LCP1: variants seen among roughly 807,000 people sequenced by gnomAD.
The protein encoded by LCP1 is plastin-2.
In LCP1, 23 loss-of-function variants were observed where a neutral mutation model predicts 72.0. The observed-to-expected ratio is 0.32, with a 90% CI of 0.23 to 0.45. LCP1 has a LOEUF of 0.45. Among genes scored for constraint, LCP1 ranks in the 20% least tolerant of loss-of-function variants. The pLI is 1.00. For synonymous variants in LCP1, 245 were observed against 275.4 expected, an observed-to-expected ratio of 0.89 and a Z score of 1.09; for missense variants, 571 against 748.3, an observed-to-expected ratio of 0.76 and a Z score of 2.76.
Position 46,159,784 on chromosome 13 carries a change from T to C in LCP1, c.-24-98A>G, listed in dbSNP as rs2045826673. On this transcript the variant is annotated intron_variant, in intron 1 of 15. Transcript: ENST00000323076. ...TCCCATTTATTACATGAAGAAATATTCTTCTGCATCCCCCATGATTTAGAA... is the reference window on the plus strand; with the variant it reads ...TCCCATTTATTACATGAAGAAATATCCTTCTGCATCCCCCATGATTTAGAA... 7 of 704,020 alleles carry C rather than the reference T, an allele frequency of 9.9e-6. No homozygotes were observed. The Admixed American group carries it at 1.8e-4, about 18-fold the overall frequency. The allele number at this position is 704,020 out of a possible 1,614,324, so 43.6% of individuals were successfully genotyped here.
intron 1 of LCP1, among the ~76,000 whole-genome samples, chr13:46,163,633 T>TAAAAA (rs575609187): frequency 9.2e-6 from 1 of 109,230 alleles, no homozygotes; most frequent in African/African-American, 3.2e-5. Flanking sequence ...AATGATCAAT[T>TAAAAA]AAAAAAAAAA....
At position 46,134,105 on chromosome 13, in the gene LCP1, A is replaced by G. The variant is rs756565294; in HGVS notation, c.1626+22T>C. 13 of 1,612,614 alleles carry G rather than the reference A, an allele frequency of 8.1e-6. No individual in the cohort carries two copies. The South Asian group carries it at 1.4e-4, about 18-fold the overall frequency. On this transcript the variant is annotated intron_variant, in intron 14 of 15. Coordinates refer to ENST00000323076, the MANE Select transcript of LCP1 (RefSeq NM_002298.5). ...TAGGCATAGAGCTCAGATGGCCTCT[A>G]GCAGAAGACAAAGAATTTTACCTTG...
intron 14 of LCP1, 107 bp from the exon 15 acceptor site, chr13:46,131,045 C>G (rs2138215313): frequency 8.7e-7 from 1 of 1,150,104 alleles, no homozygotes; most frequent in South Asian, 1.9e-5. Flanking sequence ...ATATATACAG[C>G]CTGGTCTGGG....
chr13:46,180,258 G>A (rs1486231168), intron 1 of LCP1, among the ~76,000 whole-genome samples: 1 of 152,088 alleles, frequency 6.6e-6, no homozygotes, highest in Non-Finnish European at 1.5e-5. Flanking sequence ...AGGATTAAAC[G>A]AGGTAATGCA....
chr13:46,156,969 C>T lies in LCP1; in HGVS notation c.359-399G>A, dbSNP rs1030912269. 4.6e-5 allele frequency among the ~76,000 whole-genome samples: 7 copies of T among 151,710 alleles called. No homozygotes were observed. The East Asian group carries it at 7.8e-4, about 17-fold the overall frequency. ...CCCCGTAGCTGGGACTACAGGCGCCCGCCACAACACCCAGCTAATTTTTTG... is the reference window on the plus strand; with the variant it reads ...CCCCGTAGCTGGGACTACAGGCGCCTGCCACAACACCCAGCTAATTTTTTG... On this transcript the variant is annotated intron_variant, in intron 4 of 15. Coordinates refer to ENST00000323076, the MANE Select transcript of LCP1 (RefSeq NM_002298.5).
intron 4 of LCP1, 36 bp downstream of exon 4, chr13:46,158,486 C>A (rs759244960): frequency 1.1e-5 from 18 of 1,606,108 alleles, no homozygotes; most frequent in Non-Finnish European, 1.4e-5. Context: ...AATCTGTAAT[C>A]CTGAAATCCT....
At chr13:46,166,453 T>C (rs1309021517) in intron 1 of LCP1, among the ~76,000 whole-genome samples, 1 of 151,934 alleles carries the variant, frequency 6.6e-6, no homozygotes. Context: ...AGGGACTCTT[T>C]TGAATGTGCC....
In LCP1 at chr13:46,134,564, C is replaced by T. The variant is rs184226364; in HGVS notation, c.1503-314G>A. On this transcript the variant is annotated intron_variant, in intron 13 of 15. Coordinates refer to ENST00000323076, the MANE Select transcript of LCP1 (RefSeq NM_002298.5). ...GGAAAATGAAGGAAAAGATTCCAAC[C>T]TGTGGCAATTTAAAAAAGATAAAAA... Among the ~76,000 whole-genome samples, 54 of 152,160 alleles carry T rather than the reference C, an allele frequency of 3.5e-4. No homozygotes were observed. The East Asian group carries it at 8.9e-3, about 25-fold the overall frequency.
chr13:46,159,559 A>T (rs1419490933), intron 2 of LCP1, 40 bp downstream of exon 2: 3 of 1,529,500 alleles, frequency 2.0e-6, no homozygotes, highest in Non-Finnish European at 2.7e-6. Flanking sequence ...TACTCAGTGA[A>T]GAAGAGAATG....
intron 1 of LCP1, among the ~76,000 whole-genome samples, chr13:46,163,423 G>A (rs1054400534): frequency 3.3e-5 from 5 of 152,108 alleles, no homozygotes; most frequent in Non-Finnish European, 5.9e-5. Flanking sequence ...TTGTTAAACA[G>A]ATGCTTGAAG....
intron 14 of LCP1, among the ~76,000 whole-genome samples, chr13:46,131,187 G>T (rs2045632126): frequency 6.6e-6 from 1 of 152,198 alleles, no homozygotes; most frequent in Non-Finnish European, 1.5e-5. Flanking sequence ...AAGGAAGTTA[G>T]CACAACTAGA....
intron 1 of LCP1, among the ~76,000 whole-genome samples, chr13:46,166,960 A>G (rs1251896611): frequency 6.6e-6 from 1 of 152,250 alleles, no homozygotes; most frequent in Non-Finnish European, 1.5e-5. Context: ...TTTTTAAGAA[A>G]CCAAATAATT....
intron 1 of LCP1, chr13:46,169,511 T>G (rs896255826): frequency 6.6e-6 from 1 of 152,258 alleles, no homozygotes; most frequent in Admixed American, 6.5e-5. Context: ...TCTTCACAGG[T>G]GTGATCCCAC....
intron 5 of LCP1, among the ~76,000 whole-genome samples, chr13:46,155,090 T>C (rs1267044217): frequency 6.6e-6 from 1 of 152,178 alleles, no homozygotes; most frequent in Non-Finnish European, 1.5e-5. Context: ...CATTCATATA[T>C]TGAGGTTGGA....
At chr13:46,129,254 G>A (rs536926383) in intron 15 of LCP1, among the ~76,000 whole-genome samples, 3 of 152,250 alleles carry the variant, frequency 2.0e-5, no homozygotes, top group Non-Finnish European at 2.9e-5. Context: ...AGTGCTTAGG[G>A]GTCTGGGCTC....
intron 6 of LCP1, among the ~76,000 whole-genome samples, chr13:46,153,886 A>G (rs769541357): frequency 1.1e-4 from 16 of 152,208 alleles, no homozygotes; most frequent in Admixed American, 3.3e-4. Flanking sequence ...AATGTAACTC[A>G]CATATAGTCG....
At chr13:46,143,267 A>G in intron 12 of LCP1, 23 bp downstream of exon 12, 1 of 1,548,188 alleles carries the variant, frequency 6.5e-7, no homozygotes, top group Non-Finnish European at 8.9e-7. Flanking sequence ...GTCTCCTGGA[A>G]CAACAGAACC....
chr13:46,140,753 T>C (rs1023911769), intron 13 of LCP1, among the ~76,000 whole-genome samples: 7 of 152,140 alleles, frequency 4.6e-5, no homozygotes, highest in Non-Finnish European at 1.0e-4. Context: ...AGGACAGCTA[T>C]GGGAAATATA....
In LCP1 at chr13:46,142,378, C is replaced by G. The variant is rs746537502; in HGVS notation, c.1416G>C (p.Lys472Asn). 4 of 1,614,014 alleles carry G rather than the reference C, an allele frequency of 2.5e-6. No homozygotes were observed. The Admixed American group carries it at 5.0e-5, about 20-fold the overall frequency. The change falls in exon 13 of 16, where the codon AAG becomes AAC. Residue 472 changes from lysine to asparagine, a missense_variant. Lys to Asn is a moderately conservative substitution (Grantham distance 94, BLOSUM62 0). Transcript: ENST00000323076. ...GTCCACCGATGCCAACCAGGGAGAA[C>G]TTCGCTTGATTCTTCCCCAATTCTA... is the stretch of plus-strand genomic sequence containing the variant. ...YAVELGKNQA[K>N]FSLVGIGGQD...
Sources: allele counts gnomAD v4.1 joint callset (sites outside exome capture counted in the v4.1 genomes callset), GRCh38; gene constraint gnomAD v4.1.1; transcripts MANE v1.5; gene names NCBI Gene and HGNC (gene_info 2026-07-23, HGNC 2026-07-21).